Variants in HEMK1 observed in about 807,000 individuals in gnomAD.
HEMK1 encodes the protein MTRF1L release factor glutamine methyltransferase.
A neutral mutation model predicts 47.9 loss-of-function variants in HEMK1; 36 were observed. That is an observed-to-expected ratio of 0.75 (90% CI 0.58 to 0.99). HEMK1 has a LOEUF of 0.99. Ranked by LOEUF, HEMK1 falls within the 50% of genes least tolerant of loss-of-function variation. The pLI, the probability that HEMK1 is intolerant of heterozygous loss-of-function variation, is 0.00. For synonymous variants in HEMK1, 153 were observed against 165.4 expected, an observed-to-expected ratio of 0.93 and a Z score of 0.57; for missense variants, 383 against 434.5, an observed-to-expected ratio of 0.88 and a Z score of 1.05.
At position 50,591,313 on chromosome 3, in the gene HEMK1, C is replaced by A. The variant is rs1364076929; in HGVS notation, c.*10896C>A. ...GAGGTTGGATGGTTCAGGTGGGGCCCTGGCCTTGCAGAACTCATGGACTTG... is the reference window on the plus strand; with the variant it reads ...GAGGTTGGATGGTTCAGGTGGGGCCATGGCCTTGCAGAACTCATGGACTTG... On this transcript the variant is annotated 3_prime_UTR_variant, in exon 11 of 11. Coordinates refer to ENST00000232854, the MANE Select transcript of HEMK1 (RefSeq NM_016173.5). 1.3e-5 allele frequency: 2 copies of A among 152,292 alleles called. No individual in the cohort carries two copies. Among genetic ancestry groups the A allele is most frequent in the African/African-American group, 4.8e-5 (2 of 41,462 alleles). The allele number at this position is 152,292 out of a possible 1,614,324, so 9.4% of individuals were successfully genotyped here.
rs1408963911 is a variant in HEMK1 at position 50,591,696 on chromosome 3, G to GTGTGTGTGTGTT, written c.*11280_*11281insGTGTGTGTGTTT. Reference sequence around the variant, plus strand: ...TGTGTGTGTGTGTGTGTGTGTGTGTGTTTGTGTGTGTGTGGTGTTACTCTG... The same window carrying GTGTGTGTGTGTT: ...TGTGTGTGTGTGTGTGTGTGTGTGTGTGTGTGTGTGTTTTTGTGTGTGTGTGGTGTTACTCTG... On this transcript the variant is annotated 3_prime_UTR_variant, in exon 11 of 11. Transcript: ENST00000232854. 2.0e-5 allele frequency: 3 copies of GTGTGTGTGTGTT among 151,978 alleles called. No homozygotes were observed. The highest frequency in any genetic ancestry group is 4.3e-5 in the Non-Finnish European group (3 of 69,144). 9.4% of individuals were successfully genotyped at this position (151,978 alleles called of 1,614,324 possible). A position where few individuals can be genotyped will look rare whatever the true frequency, so the allele number is the denominator to read the frequency against.
At position 50,590,884 on chromosome 3, in the gene HEMK1, T is replaced by A. The variant is rs2107542393; in HGVS notation, c.*10467T>A. On this transcript the variant is annotated 3_prime_UTR_variant, in exon 11 of 11. Coordinates refer to ENST00000232854, the MANE Select transcript of HEMK1 (RefSeq NM_016173.5). ...GAAAGACTGGGGGACCCTGTGCCCC[T>A]GAAAGCCCAGAGTTTCACTGTTTCT... is the stretch of plus-strand genomic sequence containing the variant. 6.6e-6 allele frequency: 1 copy of A among 152,302 alleles called. No individual in the cohort carries two copies. The highest frequency in any genetic ancestry group is 2.4e-5 in the African/African-American group (1 of 41,560). 9.4% of individuals were successfully genotyped at this position (152,302 alleles called of 1,614,324 possible). A position where few individuals can be genotyped will look rare whatever the true frequency, so the allele number is the denominator to read the frequency against.
In HEMK1 at chr3:50,587,383, T is replaced by A. The variant is rs2031447413; in HGVS notation, c.*6966T>A. The A allele has an allele frequency of 6.6e-6, 1 of 152,206 alleles. No individual in the cohort carries two copies. The highest frequency in any genetic ancestry group is 2.1e-4 in the South Asian group (1 of 4,832). 9.4% of individuals were successfully genotyped at this position (152,206 alleles called of 1,614,324 possible). On this transcript the variant is annotated 3_prime_UTR_variant, in exon 11 of 11. Coordinates refer to ENST00000232854, the MANE Select transcript of HEMK1 (RefSeq NM_016173.5). The surrounding 1 kb of genome is among the most constrained non-coding windows in gnomAD (Gnocchi z 4.2). ...ATACCAAGTGGAGGGTCCTATAGAA[T>A]ATGGTGCATCCTGCGCCAAGTACTT...
rs1269693850 is a variant in HEMK1 at position 50,587,443 on chromosome 3, C to CA, written c.*7027dup. 2.0e-5 allele frequency: 3 copies of CA among 152,266 alleles called. No individual in the cohort carries two copies. Among genetic ancestry groups the CA allele is most frequent in the Non-Finnish European group, 4.4e-5 (3 of 68,056 alleles). 9.4% of individuals were successfully genotyped at this position (152,266 alleles called of 1,614,324 possible). A position where few individuals can be genotyped will look rare whatever the true frequency, so the allele number is the denominator to read the frequency against. On this transcript the variant is annotated 3_prime_UTR_variant, in exon 11 of 11. Coordinates refer to ENST00000232854, the MANE Select transcript of HEMK1 (RefSeq NM_016173.5). This position sits in a 1 kb window ranked among gnomAD's most constrained non-coding sequence, Gnocchi z 4.2. ...TCTTACTCAACCTTCATGACATCCT[C>CA]AGAGATGGAGGCTGTGAACCCTCTC...
chr3:50,580,140 A>G lies in HEMK1; in HGVS notation c.891A>G (p.Pro297=). Residue 297 remains proline, a synonymous_variant, in exon 10 of 11, where the codon CCA becomes CCG. Transcript: ENST00000232854. ...DSGSIFLEVD[P]RHPELVSSWL... ...GTAGTATCTTCTTAGAAGTGGACCC[A>G]AGGCACCCGGAGCTTGTCAGCAGCT... 3 of 1,614,128 alleles carry G rather than the reference A, an allele frequency of 1.9e-6. No individual in the cohort carries two copies. Among genetic ancestry groups the G allele is most frequent in the Non-Finnish European group, 2.5e-6 (3 of 1,179,986 alleles).
rs1010751641 is a variant in HEMK1 at position 50,582,404 on chromosome 3, G to C, written c.*1987G>C. On this transcript the variant is annotated 3_prime_UTR_variant, in exon 11 of 11. Coordinates refer to ENST00000232854, the MANE Select transcript of HEMK1 (RefSeq NM_016173.5). ...AAGCCTGCAGCCACTGGCTTGATTG[G>C]GCCCTGGACGTTGAGCCCAGATGTT... 5 of 152,228 alleles carry C rather than the reference G, an allele frequency of 3.3e-5. No homozygotes were observed. The highest frequency in any genetic ancestry group is 7.3e-5 in the Non-Finnish European group (5 of 68,054). The allele number at this position is 152,228 out of a possible 1,614,324, so 9.4% of individuals were successfully genotyped here. A position where few individuals can be genotyped will look rare whatever the true frequency, so the allele number is the denominator to read the frequency against.
intron 5 of HEMK1, 118 bp downstream of exon 5, chr3:50,577,304 G>A: frequency 7.9e-7 from 1 of 1,272,136 alleles, no homozygotes; most frequent in Non-Finnish European, 1.1e-6. Context: ...GGATGAGGGA[G>A]GACAGGGCTG....
intron 4 of HEMK1, among the ~76,000 whole-genome samples, chr3:50,575,967 T>C (rs1701549472): frequency 6.6e-6 from 1 of 152,242 alleles, no homozygotes; most frequent in Non-Finnish European, 1.5e-5. Context: ...AGGCAAGGCT[T>C]GAAACCCTCT....
rs2030669577 is a variant in HEMK1, at chr3:50,580,584, A to G, written c.*167A>G. ...AGGACACCTGGATTGGCTCCATCAC[A>G]TCAGAGTGGCTGAGGGCAGTTGCTC... On this transcript the variant is annotated 3_prime_UTR_variant, in exon 11 of 11. Coordinates refer to ENST00000232854, the MANE Select transcript of HEMK1 (RefSeq NM_016173.5). The G allele has an allele frequency of 2.7e-5, 19 of 701,280 alleles. No individual in the cohort carries two copies. In the South Asian group the frequency reaches 3.5e-4, roughly 13 times the overall value. 43.4% of individuals were successfully genotyped at this position (701,280 alleles called of 1,614,324 possible). A position where few individuals can be genotyped will look rare whatever the true frequency, so the allele number is the denominator to read the frequency against.
In HEMK1 at chr3:50,578,939, G is replaced by A. The variant is rs1274234157; in HGVS notation, c.770+13G>A. 4 of 1,599,638 alleles carry A rather than the reference G, an allele frequency of 2.5e-6. No homozygotes were observed. The highest frequency in any genetic ancestry group is 3.4e-6 in the Non-Finnish European group (4 of 1,170,944). The stretch of plus-strand genomic sequence containing the variant: ...CTGAGATCCGCAGGTGCTAAGCAGG[G>A]TGGGCCAGGGAGGCCAGGCCTGAAA... On this transcript the variant is annotated intron_variant, in intron 8 of 10. Transcript: ENST00000232854.
chr3:50,575,380 G>A (rs1247451045), intron 4 of HEMK1, among the ~76,000 whole-genome samples: 1 of 151,664 alleles, frequency 6.6e-6, no homozygotes, highest in Non-Finnish European at 1.5e-5. Flanking sequence ...CCAAGATCGC[G>A]CCATTGTACT....
In HEMK1 at chr3:50,584,270, C is replaced by T. The variant is rs893993633; in HGVS notation, c.*3853C>T. ...AGTGACCTGATCTCCTCCTCATGAC[C>T]TTCTGCCCTGGACAAGCCCCCTGAA... On this transcript the variant is annotated 3_prime_UTR_variant, in exon 11 of 11. Transcript: ENST00000232854. The T allele has an allele frequency of 6.6e-6, 1 of 152,318 alleles. No individual in the cohort carries two copies. Among genetic ancestry groups the T allele is most frequent in the Non-Finnish European group, 1.5e-5 (1 of 68,112 alleles). The allele number at this position is 152,318 out of a possible 1,614,324, so 9.4% of individuals were successfully genotyped here.
chr3:50,578,957 G>T, intron 8 of HEMK1, 31 bp downstream of exon 8: 2 of 1,488,952 alleles, frequency 1.3e-6, no homozygotes, highest in Non-Finnish European at 1.9e-6. Flanking sequence ...GGGAGGCCAG[G>T]CCTGAAAAGG....
rs1268188239 is a variant in HEMK1 at position 50,589,606 on chromosome 3, A to C, written c.*9189A>C. On this transcript the variant is annotated 3_prime_UTR_variant, in exon 11 of 11. Coordinates refer to ENST00000232854, the MANE Select transcript of HEMK1 (RefSeq NM_016173.5). ...AGAGTCAGACCCTGTCTCTAAAAAAATAATTTTAGGCCGGGCGCGGTGGCT... is the reference window on the plus strand; with the variant it reads ...AGAGTCAGACCCTGTCTCTAAAAAACTAATTTTAGGCCGGGCGCGGTGGCT... 6.6e-6 allele frequency: 1 copy of C among 152,208 alleles called. No homozygotes were observed. 9.4% of individuals were successfully genotyped at this position (152,208 alleles called of 1,614,324 possible).
Position 50,586,884 on chromosome 3 carries a change from A to T in HEMK1, c.*6467A>T, listed in dbSNP as rs1007996606. 2.0e-5 allele frequency: 3 copies of T among 151,812 alleles called. No individual in the cohort carries two copies. Among genetic ancestry groups the T allele is most frequent in the Non-Finnish European group, 2.9e-5 (2 of 68,016 alleles). The allele number at this position is 151,812 out of a possible 1,614,324, so 9.4% of individuals were successfully genotyped here. On this transcript the variant is annotated 3_prime_UTR_variant, in exon 11 of 11. Transcript: ENST00000232854. ...GTTCCTGGAAGTCAGTGTGAGGCTG[A>T]GCTACGTGACCAAGCAAAGCAAACT... is the stretch of plus-strand genomic sequence containing the variant.
Position 50,571,174 on chromosome 3 carries a change from TG to T in HEMK1, c.73del (p.Ala25ProfsTer18). ...GPGRRGSTRG[W>X]AFSSWQPQPP... Reference sequence around the variant, plus strand: ...AGGGAGGAGGGGAAGTACCCGGGGCTGGGCCTTCAGCTCATGGCAACCCCAA... The same window carrying T: ...AGGGAGGAGGGGAAGTACCCGGGGCTGGCCTTCAGCTCATGGCAACCCCAA... On this transcript the variant is annotated frameshift_variant, in exon 2 of 11. Coordinates refer to ENST00000232854, the MANE Select transcript of HEMK1 (RefSeq NM_016173.5). LOFTEE classifies it high-confidence loss of function. 3 of 1,613,710 alleles carry T rather than the reference TG, an allele frequency of 1.9e-6. No individual in the cohort carries two copies. The highest frequency in any genetic ancestry group is 1.7e-6 in the Non-Finnish European group (2 of 1,179,862).
rs2031943517 is a variant in HEMK1, at chr3:50,595,775, A to T, written c.*15358A>T. On this transcript the variant is annotated 3_prime_UTR_variant, in exon 11 of 11. Coordinates refer to ENST00000232854, the MANE Select transcript of HEMK1 (RefSeq NM_016173.5). Reference sequence around the variant, plus strand: ...TCTCAGAGTGGTTTCTGCAGGAAAAAACCCAAGATAGAGAGACAACACTAT... The same window carrying T: ...TCTCAGAGTGGTTTCTGCAGGAAAATACCCAAGATAGAGAGACAACACTAT... 1 of 152,056 alleles carries T rather than the reference A, an allele frequency of 6.6e-6. No homozygotes were observed. The highest frequency in any genetic ancestry group is 1.5e-5 in the Non-Finnish European group (1 of 68,018). The allele number at this position is 152,056 out of a possible 1,614,324, so 9.4% of individuals were successfully genotyped here.
At chr3:50,573,458 T>C (rs1490546728) in intron 4 of HEMK1, among the ~76,000 whole-genome samples, 1 of 152,184 alleles carries the variant, frequency 6.6e-6, no homozygotes, top group African/African-American at 2.4e-5. Flanking sequence ...GACTTTTGAG[T>C]TCCTTCAGAG....
chr3:50,580,863 T>A lies in HEMK1; in HGVS notation c.*446T>A. The A allele has an allele frequency of 1.9e-5, 4 of 212,932 alleles. No homozygotes were observed. Among genetic ancestry groups the A allele is most frequent in the Admixed American group, 5.3e-5 (1 of 18,708 alleles). 13.2% of individuals were successfully genotyped at this position (212,932 alleles called of 1,614,324 possible). A position where few individuals can be genotyped will look rare whatever the true frequency, so the allele number is the denominator to read the frequency against. On this transcript the variant is annotated 3_prime_UTR_variant, in exon 11 of 11. Coordinates refer to ENST00000232854, the MANE Select transcript of HEMK1 (RefSeq NM_016173.5). ...CACTCCTGGCCTTGGATACCATGGG[T>A]CCTGGCATAGAGCAGCTCACTCCCA...
Sources: allele counts gnomAD v4.1 joint callset (sites outside exome capture counted in the v4.1 genomes callset), GRCh38; gene constraint gnomAD v4.1.1; non-coding constraint Gnocchi (gnomAD v3.1); transcripts MANE v1.5; gene names NCBI Gene and HGNC (gene_info 2026-07-23, HGNC 2026-07-21).